Variants in ZFHX3 observed in about 807,000 individuals in gnomAD.
ZFHX3 encodes the protein zinc finger homeobox protein 3.
Under a neutral mutation model 279.1 loss-of-function variants are expected in ZFHX3, and 42 were observed. The ratio of observed to expected loss-of-function variants is 0.15; its 90% CI spans 0.12 to 0.19. ZFHX3 has a LOEUF of 0.19. Among genes scored for constraint, ZFHX3 ranks in the 10% least tolerant of loss-of-function variants. ZFHX3 has a pLI of 1.00. For missense variants in ZFHX3, 4,981 were observed against 4,754.0 expected, an observed-to-expected ratio of 1.05 and a Z score of -1.40; for synonymous variants, 2,293 against 1,957.8, an observed-to-expected ratio of 1.17 and a Z score of -4.52.
chr16:73,398,005 C>A (rs528130184), intron 3 of ZFHX3, among the ~76,000 whole-genome samples: 1 of 152,060 alleles, frequency 6.6e-6, no homozygotes, highest in Non-Finnish European at 1.5e-5. Context: ...CCACCATGCC[C>A]GGCTAATTTT....
At chr16:73,132,789 G>A (rs1233325045) in intron 6 of ZFHX3, among the ~76,000 whole-genome samples, 3 of 152,164 alleles carry the variant, frequency 2.0e-5, no homozygotes, top group Non-Finnish European at 2.9e-5. Flanking sequence ...CCTCAGTTCA[G>A]GTTCAACCTT....
In ZFHX3 at chr16:72,798,236, T is replaced by A. The variant is rs740178; in HGVS notation, c.4446A>T (p.Ala1482=). The change falls in exon 9 of 10, where the codon GCA becomes GCT. Residue 1482 remains alanine, a synonymous_variant. Coordinates refer to ENST00000268489, the MANE Select transcript of ZFHX3 (RefSeq NM_006885.4). ...CCTCAACAATTATGGTATGGTCCTC[T>A]GCCAGAGTGGGGTCTCCCATTGCCA... ...DLLAMGDPTL[A]EDHTIIVEED... 1,314,443 of 1,614,082 alleles carry A rather than the reference T, an allele frequency of 0.81. 537,465 individuals are homozygous for A. The highest frequency in any genetic ancestry group is 0.97 in the African/African-American group (72,449 of 75,036).
chr16:73,106,023 C>T (rs914035784), intron 7 of ZFHX3, among the ~76,000 whole-genome samples: 13 of 150,652 alleles, frequency 8.6e-5, no homozygotes, highest in African/African-American at 3.2e-4. Context: ...GAATCCTCTC[C>T]GCCATGCAAA....
At chr16:72,987,281 T>C (rs1320335979) in intron 1 of ZFHX3, among the ~76,000 whole-genome samples, 1 of 152,208 alleles carries the variant, frequency 6.6e-6, no homozygotes, top group Non-Finnish European at 1.5e-5. Flanking sequence ...TTACCTGTAA[T>C]AGACTTCTAC....
At chr16:73,604,552 T>C (rs1468710535) in intron 2 of ZFHX3, among the ~76,000 whole-genome samples, 1 of 152,062 alleles carries the variant, frequency 6.6e-6, no homozygotes, top group Non-Finnish European at 1.5e-5. Flanking sequence ...AATACCAGCC[T>C]GGCCAAGATG....
At chr16:73,006,305 G>A (rs1168672564) in intron 1 of ZFHX3, among the ~76,000 whole-genome samples, 2 of 152,140 alleles carry the variant, frequency 1.3e-5, no homozygotes, top group African/African-American at 4.8e-5. Flanking sequence ...AAAATTCTAA[G>A]CAGACTAGGA....
At chr16:73,070,036 A>AT (rs1448465919) in intron 8 of ZFHX3, among the ~76,000 whole-genome samples, 2 of 152,076 alleles carry the variant, frequency 1.3e-5, no homozygotes, top group Non-Finnish European at 2.9e-5. Flanking sequence ...TCCCTTTCCC[A>AT]TTTTAAAGTG....
In ZFHX3 at chr16:72,875,097, C is replaced by T. The variant is rs138531939; in HGVS notation, c.3448+14634G>A. Among the ~76,000 whole-genome samples the T allele has an allele frequency of 5.1e-4, 77 of 152,312 alleles. 2 individuals are homozygous for T. The South Asian group carries it at 0.016, about 32-fold the overall frequency. ...GAATGATATGGGCCAGTGTTTGTTC[C>T]GTTTTAGTGCTCATACAACTCTAGC... is the stretch of plus-strand genomic sequence containing the variant. On this transcript the variant is annotated intron_variant, in intron 4 of 9. Coordinates refer to ENST00000268489, the MANE Select transcript of ZFHX3 (RefSeq NM_006885.4).
chr16:73,757,974 G>C (rs1243389606), intron 1 of ZFHX3, among the ~76,000 whole-genome samples: 2 of 152,156 alleles, frequency 1.3e-5, no homozygotes, highest in Non-Finnish European at 1.5e-5. Flanking sequence ...AATGCCTAAA[G>C]CTCCTTAAGC....
chr16:72,962,072 AG>A (rs1961606105), intron 1 of ZFHX3, among the ~76,000 whole-genome samples: 1 of 152,208 alleles, frequency 6.6e-6, no homozygotes, highest in East Asian at 1.9e-4. Flanking sequence ...GCAGGCCTGA[AG>A]GGGCGGGAGG....
chr16:73,876,440 C>T (rs1186365442), intron 1 of ZFHX3, among the ~76,000 whole-genome samples: 1 of 152,178 alleles, frequency 6.6e-6, no homozygotes, highest in African/African-American at 2.4e-5. Context: ...AGACCACATG[C>T]ATATTAAATG....
chr16:73,300,723 C>T (rs899935788), intron 4 of ZFHX3, among the ~76,000 whole-genome samples: 7 of 152,178 alleles, frequency 4.6e-5, no homozygotes, highest in Non-Finnish European at 7.3e-5. Context: ...AGGCTGGTCT[C>T]GAACTCCTGA....
At chr16:73,400,391 T>C (rs7186314) in intron 3 of ZFHX3, 106,000 of 152,024 alleles carry the variant, frequency 0.7, 38,417 homozygotes, top group African/African-American at 0.91. Flanking sequence ...GTTTTCACAT[T>C]TCCCACAAGA....
intron 5 of ZFHX3, among the ~76,000 whole-genome samples, chr16:73,234,452 G>C (rs186814011): frequency 1.5e-4 from 23 of 152,210 alleles, no homozygotes; most frequent in Non-Finnish European, 1.0e-4. Context: ...TGAAAGACTG[G>C]AAATTCATTA....
In ZFHX3 at chr16:72,795,776, C is replaced by A; in HGVS notation, c.6906G>T (p.Glu2302Asp). 4 of 1,614,218 alleles carry A rather than the reference C, an allele frequency of 2.5e-6. No homozygotes were observed. The highest frequency in any genetic ancestry group is 3.4e-6 in the Non-Finnish European group (4 of 1,180,036). The change falls in exon 9 of 10, where the codon GAG becomes GAT. Residue 2302 changes from glutamate (E) to aspartate (D), a missense_variant. Glu to Asp is a conservative substitution (Grantham distance 45, BLOSUM62 2). Coordinates refer to ENST00000268489, the MANE Select transcript of ZFHX3 (RefSeq NM_006885.4). ...NARQKARKNY[E>D]NQGEGKDGER... ...CTCCATCTTTGCCCTCTCCCTGATT[C>A]TCATAATTCTTCCTGGCCTTCTGTC... is the stretch of plus-strand genomic sequence containing the variant.
rs140130889 is a variant in ZFHX3, at chr16:73,545,041, C to A, written c.-1546-88783G>T. Reference sequence around the variant, plus strand: ...CTCCACTGGATCTTACACGAGGCCCCTCATACAACAATAGCAGGTCCCTTC... The same window carrying A: ...CTCCACTGGATCTTACACGAGGCCCATCATACAACAATAGCAGGTCCCTTC... On this transcript the variant is annotated intron_variant, in intron 2 of 17. Transcript: ENST00000641206. Among the ~76,000 whole-genome samples, 6 of 152,226 alleles carry A rather than the reference C, an allele frequency of 3.9e-5. No individual in the cohort carries two copies. In the East Asian group the frequency reaches 1.2e-3, roughly 30 times the overall value.
At chr16:73,213,807 T>A (rs2012103295) in intron 5 of ZFHX3, among the ~76,000 whole-genome samples, 1 of 152,186 alleles carries the variant, frequency 6.6e-6, no homozygotes, top group South Asian at 2.1e-4. Flanking sequence ...TTTGCTCCAG[T>A]TGAGTGCAGA....
intron 3 of ZFHX3, among the ~76,000 whole-genome samples, chr16:73,379,570 T>C (rs1363362921): frequency 6.6e-6 from 1 of 152,144 alleles, no homozygotes; most frequent in East Asian, 1.9e-4. Flanking sequence ...AGACAATGTG[T>C]ATAGAGTATG....
At chr16:73,001,328 C>G (rs1326206354) in intron 1 of ZFHX3, among the ~76,000 whole-genome samples, 1 of 152,194 alleles carries the variant, frequency 6.6e-6, no homozygotes, top group East Asian at 1.9e-4. Context: ...CCAGTCAAGT[C>G]TTCAGATGAG....
Sources: gnomAD v4.1 joint callset for allele counts (sites outside exome capture counted in the v4.1 genomes callset) on GRCh38, gnomAD v4.1.1 for gene constraint, MANE v1.5 for transcripts, NCBI Gene and HGNC (gene_info 2026-07-23, HGNC 2026-07-21) for gene names.